The following AMMECR1 variants were observed in gnomAD, a reference collection of about 807,000 sequenced individuals.
The protein encoded by AMMECR1 is AMMECR nuclear protein 1.
In AMMECR1, 3 loss-of-function variants were observed where a neutral mutation model predicts 22.5. The ratio of observed to expected loss-of-function variants is 0.13; its 90% CI spans 0.06 to 0.35. The LOEUF (loss-of-function observed/expected upper bound fraction) is 0.35. Among genes scored for constraint, AMMECR1 ranks in the 10% least tolerant of loss-of-function variants. AMMECR1 has a pLI of 1.00. For synonymous variants in AMMECR1, 130 were observed against 116.7 expected (o/e 1.11, Z -0.74); for missense variants, 235 against 278.7 (o/e 0.84, Z 1.12).
At chrX:110,339,421 A>AAG (rs1427023879) in intron 2 of AMMECR1, among the ~76,000 whole-genome samples, 2 of 108,356 alleles carry the variant, frequency 1.8e-5, no homozygotes, top group Admixed American at 9.9e-5. Flanking sequence ...AAAAAAAAAA[A>AAG]AAAACAAAAA....
intron 2 of AMMECR1, among the ~76,000 whole-genome samples, chrX:110,353,485 C>T (rs1357338841): frequency 9.0e-6 from 1 of 111,067 alleles, no homozygotes; most frequent in African/African-American, 3.3e-5. Flanking sequence ...TTGCTGCATC[C>T]CATAAGTTTT....
intron 1 of AMMECR1, among the ~76,000 whole-genome samples, chrX:110,291,778 C>G (rs2067910341): frequency 8.9e-6 from 1 of 111,953 alleles, no homozygotes; most frequent in South Asian, 3.7e-4. Flanking sequence ...TCTAGTTTCC[C>G]AAGCCATGTG....
At position 110,196,925 on chromosome X, in the gene AMMECR1, A is replaced by G. The variant is rs933496813; in HGVS notation, c.*1595T>C. 8.9e-6 allele frequency: 1 copy of G among 112,322 alleles called. No homozygotes were observed. Among genetic ancestry groups the G allele is most frequent in the Non-Finnish European group, 1.9e-5 (1 of 53,212 alleles). The allele number at this position is 112,322 out of a possible 1,213,427, so 9.3% of individuals were successfully genotyped here. ...AGTGACTTTTTTGTAGTTTTAGAATATATATTCTGCAGCATACTTTAATTC... is the reference window on the plus strand; with the variant it reads ...AGTGACTTTTTTGTAGTTTTAGAATGTATATTCTGCAGCATACTTTAATTC... On this transcript the variant is annotated 3_prime_UTR_variant, in exon 6 of 6. Transcript: ENST00000262844.
intron 2 of AMMECR1, among the ~76,000 whole-genome samples, chrX:110,420,175 G>A (rs1314635707): frequency 1.8e-5 from 2 of 111,780 alleles, no homozygotes; most frequent in Non-Finnish European, 3.8e-5. Context: ...TACAGCACTG[G>A]CCACATTGCA....
chrX:110,297,862 C>T (rs147238528), intron 1 of AMMECR1, among the ~76,000 whole-genome samples: 253 of 111,210 alleles, frequency 2.3e-3, no homozygotes, highest in Non-Finnish European at 3.6e-3. Context: ...GATATGTACA[C>T]ATAAGCTGCT....
At chrX:110,284,057 C>T (rs1245836109) in intron 1 of AMMECR1, among the ~76,000 whole-genome samples, 1 of 111,076 alleles carries the variant, frequency 9.0e-6, no homozygotes, top group Non-Finnish European at 1.9e-5. Flanking sequence ...ACCCAGGAGG[C>T]GGCGGTTGCG....
intron 1 of AMMECR1, among the ~76,000 whole-genome samples, chrX:110,315,226 T>A (rs959592300): frequency 8.9e-6 from 1 of 112,254 alleles, no homozygotes; most frequent in South Asian, 3.7e-4. Flanking sequence ...GTCCCTCCCA[T>A]AATCAGGAAG....
chrX:110,204,999 G>A (rs1286101342), intron 3 of AMMECR1, among the ~76,000 whole-genome samples: 2 of 111,785 alleles, frequency 1.8e-5, no homozygotes, highest in East Asian at 5.6e-4. Context: ...AAGTATAGTG[G>A]TTTTAAAGTG....
intron 1 of AMMECR1, among the ~76,000 whole-genome samples, chrX:110,290,086 T>C (rs998333813): frequency 4.5e-5 from 5 of 111,850 alleles, no homozygotes; most frequent in African/African-American, 1.3e-4. Context: ...TATAGTGAAC[T>C]CACAGTACTT....
intron 2 of AMMECR1, among the ~76,000 whole-genome samples, chrX:110,246,305 A>G (rs959633273): frequency 3.6e-5 from 4 of 112,582 alleles, no homozygotes; most frequent in African/African-American, 1.3e-4. Flanking sequence ...TCCTTGATTT[A>G]AAACTATAAA....
chrX:110,317,623 G>A lies in AMMECR1; in HGVS notation c.449C>T (p.Thr150Ile). 1 of 1,197,564 alleles carries A rather than the reference G, an allele frequency of 8.4e-7. No individual in the cohort carries two copies. Among genetic ancestry groups the A allele is most frequent in the South Asian group, 1.8e-5 (1 of 54,275 alleles). ...CTAGGGCTCGTTGGTGAATCGGGGG[G>A]TCCGGGGCTGCTGGTATCCATACAG... Reference protein sequence around the residue: ...CHLYGYQQPRTPRFTNEPYPL... With the variant: ...CHLYGYQQPRIPRFTNEPYPL... The change falls in exon 1 of 6, where the codon ACC becomes ATC. Residue 150 changes from threonine to isoleucine, a missense_variant. This residue lies in a region of AMMECR1 where 111 missense variants were observed against 181.7 expected (regional missense o/e 0.61). Coordinates refer to ENST00000262844, the MANE Select transcript of AMMECR1 (RefSeq NM_015365.3).
At chrX:110,235,144 A>T (rs2067593422) in intron 2 of AMMECR1, among the ~76,000 whole-genome samples, 1 of 112,113 alleles carries the variant, frequency 8.9e-6, no homozygotes, top group Admixed American at 9.4e-5. Flanking sequence ...ACAAGAAAAA[A>T]ACCACCCTGT....
Position 110,233,462 on chromosome X carries a change from AT to A in AMMECR1, c.585-16831del, listed in dbSNP as rs2067581461. Among the ~76,000 whole-genome samples, 10 of 112,348 alleles carry A rather than the reference AT, an allele frequency of 8.9e-5. No homozygotes were observed. In the South Asian group the frequency reaches 3.7e-3, roughly 42 times the overall value. On this transcript the variant is annotated intron_variant, in intron 2 of 5. Coordinates refer to ENST00000262844, the MANE Select transcript of AMMECR1 (RefSeq NM_015365.3). Reference sequence around the variant, plus strand: ...ATGCCAATCAATAGAAAAAGAGGGAATCCTCCCTAACTCATCTTATGCGGTC... The same window carrying A: ...ATGCCAATCAATAGAAAAAGAGGGAACCTCCCTAACTCATCTTATGCGGTC...
chrX:110,395,621 A>G (rs934692379), intron 2 of AMMECR1, among the ~76,000 whole-genome samples: 1 of 112,391 alleles, frequency 8.9e-6, no homozygotes, highest in Non-Finnish European at 1.9e-5. Context: ...AACTTTTGAG[A>G]CAACCTTTTT....
At chrX:110,278,163 C>G (rs1187246665) in intron 1 of AMMECR1, among the ~76,000 whole-genome samples, 1 of 111,738 alleles carries the variant, frequency 8.9e-6, no homozygotes, top group Non-Finnish European at 1.9e-5. Flanking sequence ...GGACAGTCAC[C>G]TAAGGCCAGG....
chrX:110,390,736 A>G (rs939144053), intron 2 of AMMECR1, among the ~76,000 whole-genome samples: 2 of 112,520 alleles, frequency 1.8e-5, no homozygotes, highest in Non-Finnish European at 3.8e-5. Context: ...TAATTAATCC[A>G]GTCAAACAAA....
intron 2 of AMMECR1, among the ~76,000 whole-genome samples, chrX:110,347,652 T>C (rs1354062728): frequency 8.9e-6 from 1 of 112,878 alleles, no homozygotes; most frequent in African/African-American, 3.2e-5. Flanking sequence ...CCAGATGTTA[T>C]TAAAGCAGGC....
intron 2 of AMMECR1, among the ~76,000 whole-genome samples, chrX:110,217,595 A>G (rs2067480579): frequency 9.0e-6 from 1 of 110,513 alleles, no homozygotes; most frequent in Non-Finnish European, 1.9e-5. Context: ...AGAAAAACAA[A>G]CATACCTCTG....
rs2067376662 is a variant in AMMECR1 at position 110,197,527 on chromosome X, G to A, written c.*993C>T. 9.0e-6 allele frequency: 1 copy of A among 111,175 alleles called. No individual in the cohort carries two copies. The highest frequency in any genetic ancestry group is 1.9e-5 in the Non-Finnish European group (1 of 52,868). The allele number at this position is 111,175 out of a possible 1,213,427, so 9.2% of individuals were successfully genotyped here. A position where few individuals can be genotyped will look rare whatever the true frequency, so the allele number is the denominator to read the frequency against. Reference sequence around the variant, plus strand: ...TTTTTCAGCTTAAAAAAATACTTAAGAGTAAGGAATTTGTCTAATCTTCTG... The same window carrying A: ...TTTTTCAGCTTAAAAAAATACTTAAAAGTAAGGAATTTGTCTAATCTTCTG... On this transcript the variant is annotated 3_prime_UTR_variant, in exon 6 of 6. Transcript: ENST00000262844.
Sources: gnomAD v4.1 joint callset for allele counts (sites outside exome capture counted in the v4.1 genomes callset) on GRCh38, gnomAD v4.1.1 for gene constraint, gnomAD v4.1.1 regional missense constraint, MANE v1.5 for transcripts, NCBI Gene and HGNC (gene_info 2026-07-23, HGNC 2026-07-21) for gene names.